Variants in PKP1 observed in about 807,000 individuals in gnomAD.
The protein encoded by PKP1 is plakophilin-1.
A neutral mutation model predicts 76.4 loss-of-function variants in PKP1; 27 were observed. The observed-to-expected ratio is 0.35, with a 90% CI of 0.26 to 0.49. PKP1 has a LOEUF of 0.49. Ranked by LOEUF, PKP1 falls within the 20% of genes least tolerant of loss-of-function variation. PKP1 has a pLI of 0.99. For missense variants in PKP1, 964 were observed against 955.2 expected (o/e 1.01, Z -0.12); for synonymous variants, 404 against 384.2 (o/e 1.05, Z -0.60).
In PKP1 at chr1:201,324,485, G is replaced by T. The variant is rs756518562; in HGVS notation, c.1738G>T (p.Ala580Ser). Residue 580 changes from alanine (A) to serine (S), a missense_variant, in exon 10 of 14, where the codon GCC becomes TCC. Physicochemically the swap from Ala to Ser is moderately conservative, Grantham distance 99. Transcript: ENST00000367324. ...GAAGGAAAAGGGCCTGCCACAAATT[G>T]CCCGCCTCCTGCAATCTGGCAACTC... ...GLKEKGLPQI[A>S]RLLQSGNSDV... 1.2e-6 allele frequency: 2 copies of T among 1,613,966 alleles called. No homozygotes were observed. Among genetic ancestry groups the T allele is most frequent in the Non-Finnish European group, 1.7e-6 (2 of 1,180,020 alleles).
At chr1:201,326,186 G>C (rs1657122581) in intron 12 of PKP1, among the ~76,000 whole-genome samples, 1 of 152,240 alleles carries the variant, frequency 6.6e-6, no homozygotes, top group African/African-American at 2.4e-5. Flanking sequence ...AGAAAAGTAG[G>C]TGTGGGCTAG....
intron 1 of PKP1, among the ~76,000 whole-genome samples, chr1:201,289,056 G>A (rs832173): frequency 0.63 from 95,889 of 152,078 alleles, 34,820 homozygotes; most frequent in East Asian, 0.91. Context: ...AGAAGCTGCC[G>A]AGTTGGGGAG....
At chr1:201,310,330 A>C (rs2102170416) in intron 2 of PKP1, among the ~76,000 whole-genome samples, 1 of 152,332 alleles carries the variant, frequency 6.6e-6, no homozygotes, top group Admixed American at 6.5e-5. Context: ...CAGATGGAAA[A>C]ACTGAGGCAC....
chr1:201,320,869 A>G (rs1656918797), intron 7 of PKP1, among the ~76,000 whole-genome samples: 1 of 152,102 alleles, frequency 6.6e-6, no homozygotes. Context: ...CCCCCCTGAG[A>G]TGAGGCTCCT....
intron 1 of PKP1, among the ~76,000 whole-genome samples, 164 bp downstream of exon 1, chr1:201,284,068 C>A (rs1479091214): frequency 6.6e-6 from 1 of 152,206 alleles, no homozygotes; most frequent in African/African-American, 2.4e-5. Context: ...AGCTCCCAGC[C>A]GGTTCTGAGC....
chr1:201,318,402 G>A (rs761864672), intron 5 of PKP1, among the ~76,000 whole-genome samples: 35 of 152,186 alleles, frequency 2.3e-4, no homozygotes, highest in Non-Finnish European at 4.7e-4. Flanking sequence ...AGAGAACTCT[G>A]AGATGTTCCC....
In PKP1 at chr1:201,328,670, A is replaced by G. The variant is rs1334830576; in HGVS notation, c.2107-92A>G. 3 of 1,084,402 alleles carry G rather than the reference A, an allele frequency of 2.8e-6. No homozygotes were observed. In the East Asian group the frequency reaches 7.1e-5, roughly 26 times the overall value. 67.2% of individuals were successfully genotyped at this position (1,084,402 alleles called of 1,614,324 possible). A position where few individuals can be genotyped will look rare whatever the true frequency, so the allele number is the denominator to read the frequency against. ...GATAAGAGAGAGGCTGTGTGAGCCG[A>G]GGTTGCTCTGGGAGGGCAGTGGACA... On this transcript the variant is annotated intron_variant, in intron 12 of 13. Transcript: ENST00000367324.
intron 1 of PKP1, among the ~76,000 whole-genome samples, chr1:201,291,070 G>A (rs1426869237): frequency 1.3e-5 from 2 of 152,138 alleles, no homozygotes; most frequent in African/African-American, 4.8e-5. Flanking sequence ...GAGCACACCT[G>A]CCCCCAGTAC....
At chr1:201,325,148 A>G (rs1657077287) in intron 11 of PKP1, 21 bp downstream of exon 11, 1 of 1,610,678 alleles carries the variant, frequency 6.2e-7, no homozygotes, top group Admixed American at 1.7e-5. Context: ...GGTTGCTCCC[A>G]CGGGCTGCAC....
At chr1:201,317,901 G>A in intron 5 of PKP1, 122 bp downstream of exon 5, 1 of 962,012 alleles carries the variant, frequency 1.0e-6, no homozygotes, top group Non-Finnish European at 1.6e-6. Flanking sequence ...TGCAGATTTG[G>A]CCCAGGGCTA....
At chr1:201,304,391 C>T (rs184576328) in intron 2 of PKP1, among the ~76,000 whole-genome samples, 1 of 152,340 alleles carries the variant, frequency 6.6e-6, no homozygotes, top group African/African-American at 2.4e-5. Flanking sequence ...ACCAAACAGT[C>T]ACATTCCCAT....
chr1:201,322,949 T>C, intron 8 of PKP1, 64 bp from the exon 9 acceptor site: 1 of 1,530,498 alleles, frequency 6.5e-7, no homozygotes, highest in Admixed American at 1.7e-5. Flanking sequence ...GGGGACAGAA[T>C]GCCTGGGTTG....
intron 7 of PKP1, among the ~76,000 whole-genome samples, chr1:201,320,935 C>A (rs1358506249): frequency 6.6e-6 from 1 of 152,176 alleles, no homozygotes; most frequent in Admixed American, 6.5e-5. Context: ...AGTCATCTTG[C>A]TGCCCTCTCT....
At chr1:201,312,705 G>A (rs1281732956) in intron 2 of PKP1, among the ~76,000 whole-genome samples, 1 of 152,148 alleles carries the variant, frequency 6.6e-6, no homozygotes, top group African/African-American at 2.4e-5. Flanking sequence ...TGTGTCTGTG[G>A]GGTGAGACTA....
At chr1:201,325,238 C>G in intron 11 of PKP1, 111 bp downstream of exon 11, 1 of 1,074,376 alleles carries the variant, frequency 9.3e-7, no homozygotes, top group South Asian at 1.3e-5. Flanking sequence ...GCACCAAGGG[C>G]AGGGGGAGCC....
In PKP1 at chr1:201,323,447, G is replaced by C. The variant is rs148355690; in HGVS notation, c.1680+258G>C. Among the ~76,000 whole-genome samples, 631 of 152,282 alleles carry C rather than the reference G, an allele frequency of 4.1e-3. 4 individuals are homozygous for C. The highest frequency in any genetic ancestry group is 0.031 in the Middle Eastern group (9 of 294). On this transcript the variant is annotated intron_variant, in intron 9 of 13. Transcript: ENST00000367324. ...GCACACACAATCCCCTTGGCCACATGGCTCCCGGTCCCCAGCTGGCCTCCT... is the reference window on the plus strand; with the variant it reads ...GCACACACAATCCCCTTGGCCACATCGCTCCCGGTCCCCAGCTGGCCTCCT...
chr1:201,315,445 A>G (rs1407890658), intron 3 of PKP1, among the ~76,000 whole-genome samples: 1 of 151,974 alleles, frequency 6.6e-6, no homozygotes, highest in Admixed American at 6.5e-5. Context: ...GGACACAGCC[A>G]GTCACCACCC....
rs754137436 is a variant in PKP1, at chr1:201,313,385, G to T, written c.526G>T (p.Gly176Cys). 87 of 1,582,706 alleles carry T rather than the reference G, an allele frequency of 5.5e-5. No individual in the cohort carries two copies. The East Asian group carries it at 1.9e-3, about 34-fold the overall frequency. The change falls in exon 3 of 14, where the codon GGC becomes TGC. Residue 176 changes from glycine to cysteine, a missense_variant. By Grantham distance (159) the Gly-to-Cys change is radical. Transcript: ENST00000367324. ...TLRKGTLGSK[G>C]QKTTQNRYSF... Reference sequence around the variant, plus strand: ...GCGCAAGGGCACGCTGGGCAGCAAGGGCCAGAAGACCACCCAGAACCGCTA... The same window carrying T: ...GCGCAAGGGCACGCTGGGCAGCAAGTGCCAGAAGACCACCCAGAACCGCTA...
At chr1:201,327,001 G>T (rs1197740084) in intron 12 of PKP1, among the ~76,000 whole-genome samples, 2 of 152,188 alleles carry the variant, frequency 1.3e-5, no homozygotes, top group Non-Finnish European at 2.9e-5. Flanking sequence ...ACTGGAAAAG[G>T]CCCTGGATCC....
Sources: gnomAD v4.1 joint callset for allele counts (sites outside exome capture counted in the v4.1 genomes callset) on GRCh38, gnomAD v4.1.1 for gene constraint, MANE v1.5 for transcripts, NCBI Gene and HGNC (gene_info 2026-07-23, HGNC 2026-07-21) for gene names.